The following ZNF385D variants were observed in gnomAD, a reference collection of about 807,000 sequenced individuals.
ZNF385D encodes zinc finger protein 385D.
Under a neutral mutation model 35.8 loss-of-function variants are expected in ZNF385D, and 15 were observed. That is an observed-to-expected ratio of 0.42 (90% CI 0.28 to 0.64). The LOEUF is 0.64. Ranked by LOEUF, ZNF385D falls within the 30% of genes least tolerant of loss-of-function variation. The pLI, the probability that ZNF385D is intolerant of heterozygous loss-of-function variation, is 0.23. For synonymous variants in ZNF385D, 212 were observed against 186.8 expected, an observed-to-expected ratio of 1.13 and a Z score of -1.10; for missense variants, 474 against 494.6, an observed-to-expected ratio of 0.96 and a Z score of 0.39.
intron 2 of ZNF385D, among the ~76,000 whole-genome samples, chr3:22,215,912 G>A (rs369777581): frequency 4.0e-5 from 6 of 151,880 alleles, no homozygotes; most frequent in South Asian, 2.1e-4. Flanking sequence ...CAGACCGGCC[G>A]ACACTTAAGG....
rs1401044437 is a variant in ZNF385D at position 21,712,903 on chromosome 3, G to C, written c.22+37992C>G. Among the ~76,000 whole-genome samples, 4 of 152,242 alleles carry C rather than the reference G, an allele frequency of 2.6e-5. No homozygotes were observed. In the East Asian group the frequency reaches 7.7e-4, roughly 29 times the overall value. ...GAAATATTGCAACAGACTCCTAACT[G>C]GCTTTAATGCTTTCAGTCTCAACCC... On this transcript the variant is annotated intron_variant, in intron 1 of 7. Coordinates refer to ENST00000281523, the MANE Select transcript of ZNF385D (RefSeq NM_024697.3).
In ZNF385D at chr3:21,813,087, T is replaced by C. The variant is rs1392967434; in HGVS notation, c.326-148059A>G. Among the ~76,000 whole-genome samples the C allele has an allele frequency of 2.0e-5, 3 of 152,202 alleles. No individual in the cohort carries two copies. In the East Asian group the frequency reaches 5.8e-4, roughly 29 times the overall value. On this transcript the variant is annotated intron_variant, in intron 3 of 5. Transcript: ENST00000494108. Reference sequence around the variant, plus strand: ...TGGTGATACCCAGGCAAACAGGGTCTGGAGTGGACCTCCAGCATACTCCAA... The same window carrying C: ...TGGTGATACCCAGGCAAACAGGGTCCGGAGTGGACCTCCAGCATACTCCAA...
In ZNF385D at chr3:22,015,264, G is replaced by C. The variant is rs534232297; in HGVS notation, c.325+153553C>G. ...TTATCAATTTATAATGCCTTAATTA[G>C]CATATAAATACTGATAACAGCTAAA... On this transcript the variant is annotated intron_variant, in intron 3 of 5. Transcript: ENST00000494108. Among the ~76,000 whole-genome samples the C allele has an allele frequency of 2.6e-5, 4 of 152,216 alleles. No individual in the cohort carries two copies. The South Asian group carries it at 6.2e-4, about 24-fold the overall frequency.
chr3:22,149,223 T>C (rs762735607), intron 3 of ZNF385D, among the ~76,000 whole-genome samples: 3 of 152,170 alleles, frequency 2.0e-5, no homozygotes, highest in Non-Finnish European at 4.4e-5. Context: ...GAATGTTACA[T>C]TTCCTAAAAG....
chr3:21,948,903 A>G (rs1314415116), intron 3 of ZNF385D, among the ~76,000 whole-genome samples: 1 of 152,218 alleles, frequency 6.6e-6, no homozygotes, highest in Non-Finnish European at 1.5e-5. Flanking sequence ...AGAAAACTTT[A>G]AATTAAACAA....
chr3:21,960,203 T>TACACACACACACACACACACACACAC lies in ZNF385D; in HGVS notation c.325+208613_325+208614insGTGTGTGTGTGTGTGTGTGTGTGTGT, dbSNP rs61528907. On this transcript the variant is annotated intron_variant, in intron 3 of 5. Coordinates refer to the ZNF385D transcript ENST00000494108. Reference sequence around the variant, plus strand: ...AAGAAACTCAACAACTAAACAGCAATACACACACACACCCTCCCCAACACA... The same window carrying TACACACACACACACACACACACACAC: ...AAGAAACTCAACAACTAAACAGCAATACACACACACACACACACACACACACACACACACACACCCTCCCCAACACA... Among the ~76,000 whole-genome samples, 38 of 149,466 alleles carry TACACACACACACACACACACACACAC rather than the reference T, an allele frequency of 2.5e-4. 2 individuals carry two copies. The highest frequency in any genetic ancestry group is 8.6e-4 in the South Asian group (4 of 4,674).
chr3:22,148,273 C>T (rs1704991196), intron 3 of ZNF385D, among the ~76,000 whole-genome samples: 1 of 152,126 alleles, frequency 6.6e-6, no homozygotes, highest in Non-Finnish European at 1.5e-5. Context: ...AGTCCAGAAG[C>T]AGTAAAAGTC....
Position 21,539,516 on chromosome 3 carries a change from A to G in ZNF385D, c.276+25058T>C, listed in dbSNP as rs1006400939. The stretch of plus-strand genomic sequence containing the variant: ...GGACATGACTTCTAATTAAATCCAC[A>G]TTATTCAGTAATTTCATATGTTAGT... On this transcript the variant is annotated intron_variant, in intron 3 of 7. Transcript: ENST00000281523. The surrounding 1 kb of genome is among the most constrained non-coding windows in gnomAD (Gnocchi z 4.0). Among the ~76,000 whole-genome samples the G allele has an allele frequency of 1.3e-5, 2 of 152,136 alleles. No individual in the cohort carries two copies. Among genetic ancestry groups the G allele is most frequent in the Non-Finnish European group, 2.9e-5 (2 of 68,010 alleles).
intron 2 of ZNF385D, among the ~76,000 whole-genome samples, chr3:22,333,146 A>C (rs1029251771): frequency 2.0e-5 from 3 of 152,170 alleles, no homozygotes; most frequent in African/African-American, 7.2e-5. Flanking sequence ...TCATTCTGGC[A>C]TCCTTGATTT....
At chr3:21,704,487 G>A (rs190467823) in intron 1 of ZNF385D, among the ~76,000 whole-genome samples, 8 of 151,658 alleles carry the variant, frequency 5.3e-5, no homozygotes, top group Admixed American at 2.0e-4. Context: ...ACCAAAATCT[G>A]ATATTATTTA....
chr3:22,288,492 A>C (rs1017701194), intron 2 of ZNF385D, among the ~76,000 whole-genome samples: 1 of 151,860 alleles, frequency 6.6e-6, no homozygotes, highest in Non-Finnish European at 1.5e-5. Flanking sequence ...GAGTTCACTG[A>C]TGCCTTTTTT....
At chr3:21,571,957 A>G (rs2063347968) in intron 2 of ZNF385D, among the ~76,000 whole-genome samples, 1 of 152,110 alleles carries the variant, frequency 6.6e-6, no homozygotes, top group African/African-American at 2.4e-5. Flanking sequence ...TTCGCCGTCC[A>G]TAGTTTTTTT....
At chr3:21,592,484 A>G (rs536006695) in intron 2 of ZNF385D, among the ~76,000 whole-genome samples, 1 of 150,956 alleles carries the variant, frequency 6.6e-6, no homozygotes, top group East Asian at 2.0e-4. Flanking sequence ...TGTGTTCTCT[A>G]CAATAGGATT....
At chr3:22,351,531 A>T (rs1172985573) in intron 2 of ZNF385D, among the ~76,000 whole-genome samples, 1 of 152,170 alleles carries the variant, frequency 6.6e-6, no homozygotes, top group African/African-American at 2.4e-5. Flanking sequence ...AATCTAAATC[A>T]GATTTTTATA....
chr3:22,071,022 T>C (rs948335615), intron 3 of ZNF385D, among the ~76,000 whole-genome samples: 3 of 152,086 alleles, frequency 2.0e-5, no homozygotes. Context: ...AGTTGCCAAA[T>C]CTATGAAAAG....
chr3:21,722,024 C>T (rs113883088), intron 1 of ZNF385D, among the ~76,000 whole-genome samples: 244 of 148,754 alleles, frequency 1.6e-3, no homozygotes, highest in African/African-American at 5.5e-3. Flanking sequence ...CACTTGAACC[C>T]GGGAGGCGGA....
intron 2 of ZNF385D, among the ~76,000 whole-genome samples, chr3:22,229,850 A>G (rs1698779380): frequency 6.6e-6 from 1 of 152,080 alleles, no homozygotes; most frequent in South Asian, 2.1e-4. Flanking sequence ...TCCCTTTTAC[A>G]GTCACCATTG....
At chr3:22,113,314 G>T (rs764062568) in intron 3 of ZNF385D, among the ~76,000 whole-genome samples, 1 of 151,972 alleles carries the variant, frequency 6.6e-6, no homozygotes, top group South Asian at 2.1e-4. Flanking sequence ...GAAACACCAA[G>T]GAAAGCAGGC....
chr3:21,498,077 A>G lies in ZNF385D; in HGVS notation c.439+12784T>C, dbSNP rs529682519. Reference sequence around the variant, plus strand: ...GAAATAATGCTTCACCCCCACAACCATCTGATCTTCAACAAAATAAACAAA... The same window carrying G: ...GAAATAATGCTTCACCCCCACAACCGTCTGATCTTCAACAAAATAAACAAA... On this transcript the variant is annotated intron_variant, in intron 4 of 7. Transcript: ENST00000281523. Among the ~76,000 whole-genome samples, 47 of 152,204 alleles carry G rather than the reference A, an allele frequency of 3.1e-4. 1 individual carries two copies. The South Asian group carries it at 5.8e-3, about 19-fold the overall frequency.
Sources: allele counts gnomAD v4.1 joint callset (sites outside exome capture counted in the v4.1 genomes callset), GRCh38; gene constraint gnomAD v4.1.1; non-coding constraint Gnocchi (gnomAD v3.1); transcripts MANE v1.5; gene names NCBI Gene and HGNC (gene_info 2026-07-23, HGNC 2026-07-21).